DCAKD: variants seen among roughly 807,000 people sequenced by gnomAD.
DCAKD encodes dephospho-CoA kinase domain containing.
Under a neutral mutation model 18.7 loss-of-function variants are expected in DCAKD, and 15 were observed. The ratio of observed to expected loss-of-function variants is 0.80; its 90% CI spans 0.54 to 1.24. DCAKD has a LOEUF of 1.24. Ranked by LOEUF, DCAKD falls within the 50% of genes most tolerant of loss-of-function variation. DCAKD has a pLI of 0.00. For synonymous variants in DCAKD, 130 were observed against 133.0 expected, an observed-to-expected ratio of 0.98 and a Z score of 0.16; for missense variants, 301 against 322.0, an observed-to-expected ratio of 0.93 and a Z score of 0.50.
intron 1 of DCAKD, among the ~76,000 whole-genome samples, chr17:45,058,812 G>T (rs1257945492): frequency 6.6e-6 from 1 of 152,110 alleles, no homozygotes; most frequent in South Asian, 2.1e-4. Context: ...CTTAGACCCC[G>T]GAGAGTTGAG....
intron 1 of DCAKD, among the ~76,000 whole-genome samples, chr17:45,037,303 T>TA (rs985831041): frequency 1.5e-4 from 23 of 151,662 alleles, no homozygotes; most frequent in African/African-American, 2.4e-4. Flanking sequence ...CTCTCTCTAT[T>TA]AAAAAAAATA....
At chr17:45,037,971 G>A (rs1221224983) in intron 1 of DCAKD, among the ~76,000 whole-genome samples, 9 of 144,850 alleles carry the variant, frequency 6.2e-5, no homozygotes, top group Admixed American at 3.5e-4. Flanking sequence ...GTTTCACCAT[G>A]TTGGTCAGGC....
chr17:45,044,007 C>T (rs988707949), intron 1 of DCAKD, among the ~76,000 whole-genome samples: 2 of 152,144 alleles, frequency 1.3e-5, no homozygotes, highest in African/African-American at 4.8e-5. Context: ...TCCTGCTGCA[C>T]CTTTGCTCCA....
At position 45,024,286 on chromosome 17, in the gene DCAKD, CGTGTGTGTGTGTGTGTGTGTGTGT is replaced by C. The variant is rs761001044; in HGVS notation, c.*123_*146del. 2 of 852,254 alleles carry C rather than the reference CGTGTGTGTGTGTGTGTGTGTGTGT, an allele frequency of 2.3e-6. No homozygotes were observed. Among genetic ancestry groups the C allele is most frequent in the Admixed American group, 6.7e-5 (2 of 29,782 alleles). 52.8% of individuals were successfully genotyped at this position (852,254 alleles called of 1,614,324 possible). A position where few individuals can be genotyped will look rare whatever the true frequency, so the allele number is the denominator to read the frequency against. ...AGGCCCAGCCCTGATTCGGAGAGTC[CGTGTGTGTGTGTGTGTGTGTGTGT>C]GTGTGTGTGTGTGTGTGTGTGTGTG... On this transcript the variant is annotated 3_prime_UTR_variant, in exon 5 of 5. Transcript: ENST00000651974.
intron 1 of DCAKD, among the ~76,000 whole-genome samples, chr17:45,035,824 C>G (rs75622696): frequency 0.16 from 23,966 of 152,120 alleles, 2,142 homozygotes; most frequent in East Asian, 0.31. Flanking sequence ...GCCTCCTCCC[C>G]ACAGAAGGTC....
chr17:45,046,410 A>G (rs534628294), intron 1 of DCAKD, among the ~76,000 whole-genome samples: 20 of 152,058 alleles, frequency 1.3e-4, no homozygotes, highest in East Asian at 5.8e-4. Flanking sequence ...GAGGTCAGGA[A>G]TTTGAGACCA....
At chr17:45,033,111 C>G (rs2053207300) in intron 3 of DCAKD, among the ~76,000 whole-genome samples, 1 of 152,106 alleles carries the variant, frequency 6.6e-6, no homozygotes, top group African/African-American at 2.4e-5. Context: ...TTTGGGAGGA[C>G]AAGGTGGGAG....
chr17:45,046,487 G>A (rs1478295737), intron 1 of DCAKD, among the ~76,000 whole-genome samples: 4 of 151,894 alleles, frequency 2.6e-5, no homozygotes, highest in Admixed American at 1.3e-4. Flanking sequence ...GTGGTGGTGC[G>A]TGCCTGTAGT....
chr17:45,030,051 C>T (rs1173179275), intron 4 of DCAKD, 41 bp downstream of exon 4: 6 of 1,556,574 alleles, frequency 3.9e-6, no homozygotes, highest in African/African-American at 1.4e-5. Context: ...CCAGATACCC[C>T]CATGGTCCTC....
intron 3 of DCAKD, 37 bp downstream of exon 3, chr17:45,034,150 G>A (rs756621108): frequency 6.2e-7 from 1 of 1,612,804 alleles, no homozygotes; most frequent in South Asian, 1.1e-5. Context: ...GGCCCTGGAA[G>A]GAGGCCCCGC....
intron 4 of DCAKD, among the ~76,000 whole-genome samples, chr17:45,029,400 C>G (rs1424815489): frequency 2.6e-5 from 4 of 152,244 alleles, no homozygotes; most frequent in African/African-American, 9.6e-5. Context: ...AAGTGCCCAC[C>G]TATGTGTCTG....
intron 1 of DCAKD, among the ~76,000 whole-genome samples, chr17:45,048,661 C>T (rs1175298502): frequency 6.7e-6 from 1 of 148,490 alleles, no homozygotes; most frequent in Non-Finnish European, 1.5e-5. Context: ...CAAAAATTAG[C>T]CAGGCGTGGT....
chr17:45,047,415 T>C (rs2053593662), intron 1 of DCAKD, among the ~76,000 whole-genome samples: 1 of 151,772 alleles, frequency 6.6e-6, no homozygotes, highest in Non-Finnish European at 1.5e-5. Flanking sequence ...CCCAAGTAGC[T>C]GGGACTACAG....
intron 4 of DCAKD, 128 bp downstream of exon 4, chr17:45,029,964 C>T (rs1475318266): frequency 7.3e-6 from 6 of 817,772 alleles, no homozygotes; most frequent in Non-Finnish European, 1.3e-5. Flanking sequence ...AGACCCTGAG[C>T]ACTGCTGCCC....
chr17:45,024,530 A>C lies in DCAKD; in HGVS notation c.599T>G (p.Leu200Arg). ...ILLHTELERSLEYLPLRFGVL... is the reference protein window; with the variant it reads ...ILLHTELERSREYLPLRFGVL... ...CCCAAACCTCAGCGGCAGGTACTCC[A>C]GGGAGCGCTCCAGCTCAGTGTGCAA... The change falls in exon 5 of 5, where the codon CTG (leucine) becomes CGG (arginine). Residue 200 changes from leucine to arginine, a missense_variant. Leu to Arg is a moderately radical substitution (Grantham distance 102, BLOSUM62 -2). Coordinates refer to ENST00000651974, the MANE Select transcript of DCAKD (RefSeq NM_001288655.2). 1 of 1,614,152 alleles carries C rather than the reference A, an allele frequency of 6.2e-7. No homozygotes were observed. Among genetic ancestry groups the C allele is most frequent in the Non-Finnish European group, 8.5e-7 (1 of 1,179,992 alleles).
At chr17:45,036,698 C>T (rs550766579) in intron 1 of DCAKD, among the ~76,000 whole-genome samples, 1 of 152,142 alleles carries the variant, frequency 6.6e-6, no homozygotes, top group East Asian at 1.9e-4. Context: ...TGTCCCTATT[C>T]CTCCAACCTC....
upstream of DCAKD, among the ~76,000 whole-genome samples, chr17:45,053,749 A>G (rs2053751697): frequency 6.6e-6 from 1 of 151,794 alleles, no homozygotes. Flanking sequence ...TTTCTAGTAG[A>G]GATGGGGTTT....
At chr17:45,053,364 T>C (rs1285340149), upstream of DCAKD, among the ~76,000 whole-genome samples, 2 of 150,994 alleles carry the variant, frequency 1.3e-5, no homozygotes, top group Non-Finnish European at 2.9e-5. Context: ...TTCAAGCGAT[T>C]CTCCTGCCAC....
intron 4 of DCAKD, 78 bp from the exon 5 acceptor site, chr17:45,024,802 G>A (rs1468078033): frequency 2.2e-5 from 32 of 1,477,758 alleles, no homozygotes; most frequent in Non-Finnish European, 2.9e-5. Context: ...GCCCTGCCAG[G>A]CCCAGCCTGA....
Sources: gnomAD v4.1 joint callset for allele counts (sites outside exome capture counted in the v4.1 genomes callset) on GRCh38, gnomAD v4.1.1 for gene constraint, MANE v1.5 for transcripts, NCBI Gene and HGNC (gene_info 2026-07-23, HGNC 2026-07-21) for gene names.